CSMD2: variants seen among roughly 807,000 people sequenced by gnomAD.
CSMD2 encodes CUB and sushi domain-containing protein 2.
A neutral mutation model predicts 398.5 loss-of-function variants in CSMD2; 130 were observed. The observed-to-expected ratio is 0.33, with a 90% CI of 0.28 to 0.38. CSMD2 has a LOEUF of 0.38. CSMD2 is among the 10% of genes least tolerant of loss of function. CSMD2 has a pLI of 1.00. For missense variants in CSMD2, 3,829 were observed against 4,764.9 expected (o/e 0.80, Z 5.78); for synonymous variants, 1,828 against 1,908.5 (o/e 0.96, Z 1.10).
chr1:33,716,186 G>A, intron 20 of CSMD2, 100 bp downstream of exon 20: 1 of 1,008,950 alleles, frequency 9.9e-7, no homozygotes, highest in Non-Finnish European at 1.5e-6. Context: ...CTGGAGAGTG[G>A]ATTAATATCT....
intron 9 of CSMD2, among the ~76,000 whole-genome samples, chr1:33,811,197 T>G (rs969736951): frequency 6.6e-6 from 1 of 152,050 alleles, no homozygotes; most frequent in African/African-American, 2.4e-5. Flanking sequence ...ACCTGTCAGG[T>G]TGACATAAAG....
chr1:33,532,465 C>T (rs1655329758), intron 64 of CSMD2, among the ~76,000 whole-genome samples: 1 of 152,210 alleles, frequency 6.6e-6, no homozygotes, highest in Non-Finnish European at 1.5e-5. Context: ...CCTGACTTCT[C>T]CTTTCCCCCA....
intron 2 of CSMD2, among the ~76,000 whole-genome samples, chr1:34,083,266 G>A (rs993621210): frequency 5.3e-5 from 8 of 152,270 alleles, no homozygotes; most frequent in Middle Eastern, 3.4e-3. Context: ...GAACCAGAGA[G>A]GCTGAGATGT....
In CSMD2 at chr1:33,652,309, G is replaced by C. The variant is rs760262703; in HGVS notation, c.4586+14C>G. 2 of 1,613,488 alleles carry C rather than the reference G, an allele frequency of 1.2e-6. No individual in the cohort carries two copies. Among genetic ancestry groups the C allele is most frequent in the Non-Finnish European group, 1.7e-6 (2 of 1,179,518 alleles). ...CTGAACCCTTCGTCTCCCACCCGGG[G>C]GAAAGGTACATACATGTTAAATACC... On this transcript the variant is annotated intron_variant, in intron 28 of 70. Coordinates refer to ENST00000373381, the MANE Select transcript of CSMD2 (RefSeq NM_001281956.2).
intron 3 of CSMD2, among the ~76,000 whole-genome samples, chr1:33,949,355 G>A (rs1166428510): frequency 1.3e-5 from 2 of 152,198 alleles, no homozygotes; most frequent in Non-Finnish European, 2.9e-5. Flanking sequence ...GAGGGCAGAT[G>A]GCCCCAGGAG....
In CSMD2 at chr1:33,788,723, A is replaced by G; in HGVS notation, c.1551-11T>C. On this transcript the variant is annotated splice_polypyrimidine_tract_variant and intron_variant, in intron 11 of 70. Coordinates refer to ENST00000373381, the MANE Select transcript of CSMD2 (RefSeq NM_001281956.2). The stretch of plus-strand genomic sequence containing the variant: ...GATGTACCTGTCAGGCTGGCAGGAG[A>G]GAGATATTTAGAGGTGTGCTCTCCA... 5 of 1,488,400 alleles carry G rather than the reference A, an allele frequency of 3.4e-6. No homozygotes were observed. Among genetic ancestry groups the G allele is most frequent in the Non-Finnish European group, 4.7e-6 (5 of 1,065,370 alleles). The allele number at this position is 1,488,400 out of a possible 1,614,324, so 92.2% of individuals were successfully genotyped here.
chr1:33,771,361 G>A lies in CSMD2; in HGVS notation c.1846+1208C>T, dbSNP rs112278339. ...GCTCCCAGCATGCTACGTGGCTAAT[G>A]CTGTTGGGCTCTATATTCTAACCAC... On this transcript the variant is annotated intron_variant, in intron 13 of 70. Coordinates refer to ENST00000373381, the MANE Select transcript of CSMD2 (RefSeq NM_001281956.2). 6.4e-3 allele frequency among the ~76,000 whole-genome samples: 976 copies of A among 152,274 alleles called. 5 individuals carry two copies. The highest frequency in any genetic ancestry group is 9.1e-3 in the Non-Finnish European group (618 of 68,034).
chr1:33,849,627 A>C (rs1277298311), intron 5 of CSMD2, among the ~76,000 whole-genome samples: 6 of 152,174 alleles, frequency 3.9e-5, no homozygotes, highest in South Asian at 2.1e-4. Flanking sequence ...GGAACTGTAC[A>C]TTTAAAATAG....
chr1:33,692,951 G>T lies in CSMD2; in HGVS notation c.4031C>A (p.Ala1344Glu). Residue 1344 changes from alanine (A) to glutamate (E), a missense_variant, in exon 25 of 71, where the codon GCA (alanine) becomes GAA (glutamate). Transcript: ENST00000373381. ...TTACCCAATGGTGCAGCCGGCCTCT[G>T]CTTCGATGGTCCAGATGCAGTTGAG... ...HNLNCIWTIE[A>E]EAGCTIGLHF... is the part of the protein sequence containing the mutation. The T allele has an allele frequency of 6.2e-7, 1 of 1,608,276 alleles. No individual in the cohort carries two copies. The highest frequency in any genetic ancestry group is 8.5e-7 in the Non-Finnish European group (1 of 1,177,540).
chr1:33,611,550 T>C (rs1374240528), intron 40 of CSMD2, among the ~76,000 whole-genome samples: 3 of 152,226 alleles, frequency 2.0e-5, no homozygotes, highest in Non-Finnish European at 2.9e-5. Context: ...TTGTTTAAAT[T>C]TATGATTCAT....
At chr1:33,955,249 C>G (rs534958539) in intron 3 of CSMD2, among the ~76,000 whole-genome samples, 1 of 152,160 alleles carries the variant, frequency 6.6e-6, no homozygotes, top group Admixed American at 6.5e-5. Flanking sequence ...TATTTTCCCC[C>G]ACGAGGCGCC....
At position 34,068,332 on chromosome 1, in the gene CSMD2, C is replaced by A. The variant is rs992213381; in HGVS notation, c.404+20645G>T. ...TAGCAAGGGATATACTTAAACTTTT[C>A]TCTTTTCTTTTACATTTAATCTTAC... On this transcript the variant is annotated intron_variant, in intron 2 of 70. Coordinates refer to ENST00000373381, the MANE Select transcript of CSMD2 (RefSeq NM_001281956.2). 5.3e-5 allele frequency among the ~76,000 whole-genome samples: 8 copies of A among 152,320 alleles called. No homozygotes were observed. In the East Asian group the frequency reaches 1.3e-3, roughly 26 times the overall value.
At position 33,572,321 on chromosome 1, in the gene CSMD2, T is replaced by C. The variant is rs367735935; in HGVS notation, c.7762+185A>G. Among the ~76,000 whole-genome samples the C allele has an allele frequency of 6.6e-5, 10 of 152,164 alleles. No homozygotes were observed. The East Asian group carries it at 1.5e-3, about 24-fold the overall frequency. On this transcript the variant is annotated intron_variant, in intron 50 of 70. Coordinates refer to ENST00000373381, the MANE Select transcript of CSMD2 (RefSeq NM_001281956.2). ...TTTGTGGAAACATCTTAGGGCACAA[T>C]GGTTATCAATGCTGAGAGCAGTTTC... is the stretch of plus-strand genomic sequence containing the variant.
intron 2 of CSMD2, among the ~76,000 whole-genome samples, chr1:34,034,012 AAT>A (rs1650792276): frequency 6.6e-6 from 1 of 152,172 alleles, no homozygotes; most frequent in Admixed American, 6.5e-5. Context: ...CTTCTCTTCA[AAT>A]ATAAACACAT....
Position 33,698,906 on chromosome 1 carries a change from T to G in CSMD2, c.3772A>C (p.Lys1258Gln), listed in dbSNP as rs749261850. Reference protein sequence around the residue: ...LIKCEDPGTPKFGYKVHDEGH... With the variant: ...LIKCEDPGTPQFGYKVHDEGH... ...TCATCATGAACCTTGTAGCCAAACT[T>G]GGGGGTTCCTGGGTCCTCACATTTG... Residue 1258 changes from lysine to glutamine, a missense_variant, in exon 24 of 71, where the codon AAG becomes CAG. Around this residue, in one of 5 missense-constraint regions of CSMD2, gnomAD observed 2,001 missense variants for 2,567.1 expected, o/e 0.78. Coordinates refer to ENST00000373381, the MANE Select transcript of CSMD2 (RefSeq NM_001281956.2). The G allele has an allele frequency of 1.2e-6, 2 of 1,613,932 alleles. No homozygotes were observed. Among genetic ancestry groups the G allele is most frequent in the African/African-American group, 2.7e-5 (2 of 74,902 alleles).
At chr1:33,557,656 A>AAG in intron 55 of CSMD2, 78 bp downstream of exon 55, 4 of 1,087,792 alleles carry the variant, frequency 3.7e-6, no homozygotes, top group Non-Finnish European at 5.3e-6. Flanking sequence ...ACACACACAC[A>AAG]CACATGCACA....
Position 33,542,789 on chromosome 1 carries a change from C to T in CSMD2, c.9208G>A (p.Ala3070Thr), listed in dbSNP as rs761548507. 12 of 1,614,118 alleles carry T rather than the reference C, an allele frequency of 7.4e-6. No homozygotes were observed. The highest frequency in any genetic ancestry group is 4.5e-5 in the East Asian group (2 of 44,890). ...CAGTGACGGCTGAGCAGGCCTGTGG[C>T]GTAGTATCCTTCCCGGCACTCATAG... Reference protein sequence around the residue: ...IVYECREGYYATGLLSRHCSV... With the variant: ...IVYECREGYYTTGLLSRHCSV... The change falls in exon 58 of 71, where the codon GCC becomes ACC. Residue 3070 changes from alanine (A) to threonine (T), a missense_variant. Ala to Thr is a moderately conservative substitution (Grantham distance 58). This residue lies in a region of CSMD2 where 917 missense variants were observed against 1,199.5 expected (regional missense o/e 0.76). Coordinates refer to ENST00000373381, the MANE Select transcript of CSMD2 (RefSeq NM_001281956.2).
intron 29 of CSMD2, among the ~76,000 whole-genome samples, chr1:33,646,410 T>C (rs571360099): frequency 2.0e-5 from 3 of 152,294 alleles, no homozygotes; most frequent in African/African-American, 7.2e-5. Context: ...TGGAAATAGA[T>C]GAGGTGCAAA....
In CSMD2 at chr1:33,632,966, T is replaced by C. The variant is rs370928985; in HGVS notation, c.5200+456A>G. Among the ~76,000 whole-genome samples the C allele has an allele frequency of 2.9e-4, 44 of 152,246 alleles. 1 individual carries two copies. In the East Asian group the frequency reaches 4.6e-3, roughly 16 times the overall value. On this transcript the variant is annotated intron_variant, in intron 32 of 70. Transcript: ENST00000373381. ...TCGTAGCGAATATTTCAATAAAATA[T>C]GTATATTGGTTTGTTGAATAAAATA...
Sources: allele counts gnomAD v4.1 joint callset (sites outside exome capture counted in the v4.1 genomes callset), GRCh38; gene constraint gnomAD v4.1.1; regional missense constraint gnomAD v4.1.1; transcripts MANE v1.5; gene names NCBI Gene and HGNC (gene_info 2026-07-23, HGNC 2026-07-21).